The following RUNX1T1 variants were observed in gnomAD, a reference collection of about 807,000 sequenced individuals.
RUNX1T1 encodes RUNX1 partner transcriptional co-repressor 1, also known as protein CBFA2T1.
Under a neutral mutation model 62.8 loss-of-function variants are expected in RUNX1T1, and 4 were observed. The ratio of observed to expected loss-of-function variants is 0.06; its 90% CI spans 0.03 to 0.15. RUNX1T1 has a LOEUF of 0.15. Ranked by LOEUF, RUNX1T1 falls within the 10% of genes least tolerant of loss-of-function variation. The pLI is 1.00. For synonymous variants in RUNX1T1, 291 were observed against 286.0 expected (o/e 1.02, Z -0.18); for missense variants, 508 against 754.3 (o/e 0.67, Z 3.82).
intron 8 of RUNX1T1, chr8:91,977,533 A>G: frequency 5.3e-6 from 1 of 189,856 alleles, no homozygotes; most frequent in African/African-American, 2.3e-5. Context: ...CCTTACCACT[A>G]TAACTATTTC....
chr8:91,970,452 A>G (rs1412690376), intron 10 of RUNX1T1, among the ~76,000 whole-genome samples: 1 of 152,220 alleles, frequency 6.6e-6, no homozygotes, highest in Non-Finnish European at 1.5e-5. Context: ...CCAAACATTC[A>G]AAACCTTTTT....
chr8:92,080,365 G>A (rs770426637), intron 1 of RUNX1T1, among the ~76,000 whole-genome samples: 28 of 152,212 alleles, frequency 1.8e-4, no homozygotes, highest in Middle Eastern at 3.4e-3. Context: ...TACCTGCCAG[G>A]TACTGTTCAC....
In RUNX1T1 at chr8:92,024,703, T is replaced by C. The variant is rs138992254; in HGVS notation, c.8-7340A>G. ...CATCCCCAGAATTCCATGAGTCTAA[T>C]ACTCTCTTTCTCTGGCTTTCCTCGC... On this transcript the variant is annotated intron_variant, in intron 1 of 10. Transcript: ENST00000396218. 7.9e-5 allele frequency among the ~76,000 whole-genome samples: 12 copies of C among 152,258 alleles called. No individual in the cohort carries two copies. In the East Asian group the frequency reaches 1.4e-3, roughly 17 times the overall value.
chr8:91,966,003 A>G (rs921536672), intron 10 of RUNX1T1, among the ~76,000 whole-genome samples: 1 of 151,828 alleles, frequency 6.6e-6, no homozygotes, highest in Non-Finnish European at 1.5e-5. Flanking sequence ...AATTTTGCAG[A>G]TGAGAAAACC....
upstream of RUNX1T1, among the ~76,000 whole-genome samples, chr8:92,067,115 G>T (rs2130680125): frequency 6.6e-6 from 1 of 152,266 alleles, no homozygotes; most frequent in Admixed American, 6.5e-5. Flanking sequence ...TGAGGTTAAA[G>T]GTTTATTTAG....
intron 9 of RUNX1T1, 76 bp downstream of exon 10, chr8:91,975,829 C>T: frequency 1.1e-6 from 1 of 941,904 alleles, no homozygotes; most frequent in Non-Finnish European, 1.7e-6. Context: ...CCTTTCTTGT[C>T]ATTCCTCACA....
intron 5 of RUNX1T1, chr8:92,004,860 T>A (rs1000740248): frequency 2.9e-6 from 1 of 345,554 alleles, no homozygotes; most frequent in Non-Finnish European, 5.2e-6. Flanking sequence ...AGAAAAATCA[T>A]TCGTCTTCAC....
At chr8:92,100,679 GAAAC>G (rs1336882067), upstream of RUNX1T1, among the ~76,000 whole-genome samples, 3 of 151,770 alleles carry the variant, frequency 2.0e-5, no homozygotes, top group African/African-American at 7.3e-5. Flanking sequence ...AGACTTCTCT[GAAAC>G]AAACAAAAAA....
chr8:92,021,013 A>C (rs1823981677), intron 1 of RUNX1T1, among the ~76,000 whole-genome samples: 1 of 152,122 alleles, frequency 6.6e-6, no homozygotes, highest in African/African-American at 2.4e-5. Context: ...ACAACAACAA[A>C]AAGGGAGTTC....
rs569517045 is a variant in RUNX1T1, at chr8:92,068,567, C to T, written c.88+7398G>A. On this transcript the variant is annotated intron_variant, in intron 2 of 11. Transcript: ENST00000265814. The stretch of plus-strand genomic sequence containing the variant: ...ACCAATTTCACATTTTCTGCTTGTA[C>T]GCTTGCAACAATAAATGCTAATGAG... 3.9e-5 allele frequency among the ~76,000 whole-genome samples: 6 copies of T among 152,152 alleles called. No individual in the cohort carries two copies. The South Asian group carries it at 8.3e-4, about 21-fold the overall frequency.
intron 1 of RUNX1T1, among the ~76,000 whole-genome samples, chr8:92,024,920 T>C (rs1460250883): frequency 3.3e-5 from 5 of 152,210 alleles, no homozygotes; most frequent in Middle Eastern, 3.2e-3. Flanking sequence ...AAACTGGCCA[T>C]GTTTTGCAAC....
chr8:91,960,603 A>G, intron 10 of RUNX1T1, 86 bp from the exon 12 acceptor site: 1 of 1,400,440 alleles, frequency 7.1e-7, no homozygotes, highest in East Asian at 2.3e-5. Context: ...GCATCACTGT[A>G]GCCTTATTTT....
At chr8:92,017,284 C>T in exon 2 of RUNX1T1, 1 of 1,613,988 alleles carries the variant, frequency 6.2e-7, no homozygotes, top group Non-Finnish European at 8.5e-7. Flanking sequence ...GGGGAGGTGG[C>T]ATTGTTGGAG....
intron 1 of RUNX1T1, among the ~76,000 whole-genome samples, chr8:92,083,446 A>T (rs1186090305): frequency 6.6e-6 from 1 of 152,228 alleles, no homozygotes; most frequent in African/African-American, 2.4e-5. Flanking sequence ...GCATATCAAC[A>T]GACACTTCTC....
chr8:92,017,014 G>C (rs1451265409), intron 2 of RUNX1T1, among the ~76,000 whole-genome samples: 1 of 152,166 alleles, frequency 6.6e-6, no homozygotes, highest in Non-Finnish European at 1.5e-5. Context: ...TAATGAAAAG[G>C]AAGGCAAATA....
At chr8:92,088,302 T>G (rs1437670694) in intron 1 of RUNX1T1, among the ~76,000 whole-genome samples, 3 of 152,216 alleles carry the variant, frequency 2.0e-5, no homozygotes, top group Non-Finnish European at 4.4e-5. Flanking sequence ...ACATAACATA[T>G]GCATAGACTC....
chr8:91,968,693 T>C (rs1812153800), intron 10 of RUNX1T1, among the ~76,000 whole-genome samples: 2 of 152,258 alleles, frequency 1.3e-5, no homozygotes, highest in South Asian at 4.1e-4. Context: ...ATCTTAATGA[T>C]CCCTATGAAA....
chr8:92,103,033 T>TCGCGCCGCGGAGC (rs1247826621), upstream of RUNX1T1: 9 of 741,676 alleles, frequency 1.2e-5, no homozygotes, highest in African/African-American at 7.5e-5. Context: ...GACCGCGGAG[T>TCGCGCCGCGGAGC]CGCGCCGCGG....
rs552492009 is a variant in RUNX1T1, at chr8:92,073,498, A to C, written c.88+2467T>G. Among the ~76,000 whole-genome samples the C allele has an allele frequency of 2.0e-5, 3 of 152,248 alleles. No individual in the cohort carries two copies. In the South Asian group the frequency reaches 6.2e-4, roughly 32 times the overall value. On this transcript the variant is annotated intron_variant, in intron 2 of 11. Coordinates refer to the RUNX1T1 transcript ENST00000265814. ...TTCTCACTCACAATGCCGACTGTTC[A>C]GCCATGGATAGTCCTTTGCTTTATC...
Sources: allele counts gnomAD v4.1 joint callset (sites outside exome capture counted in the v4.1 genomes callset), GRCh38; gene constraint gnomAD v4.1.1; transcripts MANE v1.5; gene names NCBI Gene and HGNC (gene_info 2026-07-23, HGNC 2026-07-21).